DNAH8: variants seen among roughly 807,000 people sequenced by gnomAD.
DNAH8 encodes the protein dynein axonemal heavy chain 8, also known as axonemal beta dynein heavy chain 8.
A neutral mutation model predicts 562.1 loss-of-function variants in DNAH8; 382 were observed. That is an observed-to-expected ratio of 0.68 (90% CI 0.63 to 0.74). DNAH8 has a LOEUF of 0.74. DNAH8 is among the 30% of genes least tolerant of loss of function. The pLI is 0.00. For missense variants in DNAH8, 5,203 were observed against 5,620.4 expected, an observed-to-expected ratio of 0.93 and a Z score of 2.37; for synonymous variants, 1,881 against 1,919.4, an observed-to-expected ratio of 0.98 and a Z score of 0.52.
chr6:38,854,881 A>G (rs1471322652), intron 41 of DNAH8, among the ~76,000 whole-genome samples: 7 of 149,296 alleles, frequency 4.7e-5, no homozygotes, highest in South Asian at 2.1e-4. Flanking sequence ...TTTGTATTTA[A>G]TATATATACA....
chr6:39,010,820 CGTATGTATGTAT>C (rs1554163117), intron 89 of DNAH8, among the ~76,000 whole-genome samples: 1,901 of 132,760 alleles, frequency 0.014, 43 homozygotes, highest in African/African-American at 0.05. Context: ...CACACACACA[CGTATGTATGTAT>C]GTATGTATGT....
intron 3 of DNAH8, among the ~76,000 whole-genome samples, chr6:38,729,009 C>T (rs559537110): frequency 6.6e-6 from 1 of 152,260 alleles, no homozygotes; most frequent in East Asian, 1.9e-4. Flanking sequence ...TCAAGACCAG[C>T]CTGGCCAACA....
intron 68 of DNAH8, among the ~76,000 whole-genome samples, chr6:38,916,718 A>C (rs552097327): frequency 2.0e-5 from 3 of 152,312 alleles, no homozygotes; most frequent in Admixed American, 2.0e-4. Context: ...CCTTGCCTTG[A>C]TGGTCAGGCA....
intron 83 of DNAH8, among the ~76,000 whole-genome samples, chr6:38,972,701 C>G (rs1443964453): frequency 2.0e-5 from 3 of 152,148 alleles, no homozygotes; most frequent in South Asian, 4.1e-4. Flanking sequence ...ATGGCATAAT[C>G]AGAAAAGAAA....
intron 10 of DNAH8, among the ~76,000 whole-genome samples, chr6:38,756,448 G>A (rs939166110): frequency 2.0e-5 from 3 of 151,882 alleles, no homozygotes; most frequent in Admixed American, 6.6e-5. Context: ...GTGTAGCGCC[G>A]CATGGTTAAT....
At chr6:38,936,077 G>A (rs1271815024) in intron 77 of DNAH8, among the ~76,000 whole-genome samples, 2 of 149,684 alleles carry the variant, frequency 1.3e-5, no homozygotes, top group African/African-American at 2.5e-5. Context: ...AGCCAGACGT[G>A]GTGGCTCATG....
chr6:38,747,384 CTTTTTTTTTTTTTT>C (rs55729629), intron 8 of DNAH8, among the ~76,000 whole-genome samples: 1 of 113,778 alleles, frequency 8.8e-6, no homozygotes, highest in Non-Finnish European at 1.7e-5. Flanking sequence ...TTTTCTTTTT[CTTTTTTTTTTTTTT>C]TTTTTTGAGG....
At chr6:38,789,178 A>G (rs1037467464) in intron 18 of DNAH8, among the ~76,000 whole-genome samples, 1 of 152,254 alleles carries the variant, frequency 6.6e-6, no homozygotes, top group South Asian at 2.1e-4. Flanking sequence ...ACTACAAGTA[A>G]TGTATAAAGG....
intron 47 of DNAH8, 117 bp from the exon 48 acceptor site, chr6:38,867,945 T>A (rs1777178890): frequency 1.0e-6 from 1 of 996,630 alleles, no homozygotes; most frequent in Admixed American, 2.5e-5. Context: ...TGTGGCTTAG[T>A]CACCCCAAAA....
intron 7 of DNAH8, among the ~76,000 whole-genome samples, chr6:38,741,425 A>G (rs1042047306): frequency 7.3e-5 from 11 of 150,926 alleles, no homozygotes; most frequent in African/African-American, 2.4e-4. Context: ...ATACAAACAA[A>G]AAAACCCCAA....
intron 85 of DNAH8, among the ~76,000 whole-genome samples, chr6:38,981,512 A>T (rs183650611): frequency 5.7e-4 from 87 of 152,368 alleles, no homozygotes; most frequent in Admixed American, 2.2e-3. Context: ...AATGAGGGTC[A>T]TGTGAAAGTT....
chr6:38,766,241 A>G (rs1351463087), intron 11 of DNAH8, among the ~76,000 whole-genome samples: 1 of 152,110 alleles, frequency 6.6e-6, no homozygotes, highest in Admixed American at 6.6e-5. Flanking sequence ...ACATGGCTGA[A>G]CTTTATTTCA....
intron 11 of DNAH8, among the ~76,000 whole-genome samples, chr6:38,767,948 C>G (rs1053553179): frequency 3.3e-5 from 5 of 152,164 alleles, no homozygotes; most frequent in African/African-American, 1.2e-4. Context: ...TCTTCATCTC[C>G]TTGCCAACAC....
rs571078461 is a variant in DNAH8, at chr6:39,026,490, T to C, written c.13715-56T>C. On this transcript the variant is annotated intron_variant, in intron 91 of 92. Coordinates refer to ENST00000327475, the MANE Select transcript of DNAH8 (RefSeq NM_001206927.2). ...AGTAACACTTAACATTGCTTCCTTC[T>C]TGTTTTTAAAGCAGATTGCAACAAG... The C allele has an allele frequency of 1.7e-4, 266 of 1,548,840 alleles. 3 individuals carry two copies. In the South Asian group the frequency reaches 2.3e-3, roughly 13 times the overall value.
chr6:38,769,209 C>T (rs558104139), intron 11 of DNAH8, among the ~76,000 whole-genome samples: 7 of 152,160 alleles, frequency 4.6e-5, no homozygotes, highest in African/African-American at 1.7e-4. Flanking sequence ...TATTCAGAGC[C>T]AACTCATTTA....
chr6:39,000,295 G>A (rs1194009461), intron 88 of DNAH8, among the ~76,000 whole-genome samples: 1 of 152,164 alleles, frequency 6.6e-6, no homozygotes, highest in African/African-American at 2.4e-5. Context: ...GATAACACAG[G>A]TGGAGGAGCA....
At chr6:38,999,723 T>C (rs1765356455) in intron 88 of DNAH8, among the ~76,000 whole-genome samples, 1 of 151,772 alleles carries the variant, frequency 6.6e-6, no homozygotes, top group Non-Finnish European at 1.5e-5. Context: ...GAAAATATCC[T>C]ATGAAAACAA....
At chr6:38,861,967 T>C (rs1776668439) in intron 43 of DNAH8, among the ~76,000 whole-genome samples, 1 of 151,162 alleles carries the variant, frequency 6.6e-6, no homozygotes, top group South Asian at 2.1e-4. Context: ...TTTTTTTTTC[T>C]GGAGAGCCAG....
chr6:38,918,169 A>G (rs759457416), intron 70 of DNAH8, 29 bp downstream of exon 70: 2 of 1,496,620 alleles, frequency 1.3e-6, no homozygotes, highest in Admixed American at 3.6e-5. Context: ...CTCCCAGTAA[A>G]TCAATATTTC....
Sources: gnomAD v4.1 joint callset for allele counts (sites outside exome capture counted in the v4.1 genomes callset) on GRCh38, gnomAD v4.1.1 for gene constraint, MANE v1.5 for transcripts, NCBI Gene and HGNC (gene_info 2026-07-23, HGNC 2026-07-21) for gene names.